MYO1F: variants seen among roughly 807,000 people sequenced by gnomAD.
The protein encoded by MYO1F is unconventional myosin-If.
In MYO1F, 60 loss-of-function variants were observed where a neutral mutation model predicts 146.6. The observed-to-expected ratio is 0.41, with a 90% confidence interval of 0.33 to 0.51. The LOEUF is 0.51. MYO1F is among the 20% of genes least tolerant of loss of function. MYO1F has a pLI of 0.25. For synonymous variants in MYO1F, 602 were observed against 602.1 expected (o/e 1.00, Z 0.00); for missense variants, 1,274 against 1,534.3 (o/e 0.83, Z 2.83).
intron 21 of MYO1F, chr19:8,529,770 T>A: frequency 3.0e-6 from 1 of 334,544 alleles, no homozygotes; most frequent in Non-Finnish European, 5.8e-6. Flanking sequence ...AGTGCATGTT[T>A]GATGGACAGC....
intron 1 of MYO1F, among the ~76,000 whole-genome samples, chr19:8,564,431 C>T (rs2041963364): frequency 6.6e-6 from 1 of 151,952 alleles, no homozygotes; most frequent in South Asian, 2.1e-4. Flanking sequence ...ACTGAGAGTC[C>T]CTGGGGTGCG....
chr19:8,561,812 G>C (rs756161653), intron 1 of MYO1F, among the ~76,000 whole-genome samples: 2 of 151,380 alleles, frequency 1.3e-5, no homozygotes, highest in Non-Finnish European at 2.9e-5. Flanking sequence ...TACCTCCCAG[G>C]TTCAAACGAT....
chr19:8,543,708 CTGGTGGTGG>C (rs1568348543), intron 14 of MYO1F, among the ~76,000 whole-genome samples: 20 of 20,966 alleles, frequency 9.5e-4, no homozygotes, highest in Non-Finnish European at 1.2e-3. Context: ...GGTGGTGGTG[CTGGTGGTGG>C]TGGTGGTGCT....
At position 8,522,684 on chromosome 19, in the gene MYO1F, G is replaced by C; in HGVS notation, c.3000C>G (p.Pro1000=). The stretch of plus-strand genomic sequence containing the variant: ...TGAGGAATTCTGTGTTGTGCTCTGA[G>C]GGCGGACGTGCCCGGGGTCGTCTGC... ...GASRRPRARP[P]SEHNTEFLNV... is the part of the protein sequence containing the mutation. The change falls in exon 26 of 28, where the codon CCC becomes CCG. Residue 1000 remains proline, a synonymous_variant. Transcript: ENST00000644032. 1 of 1,613,990 alleles carries C rather than the reference G, an allele frequency of 6.2e-7. No homozygotes were observed. The highest frequency in any genetic ancestry group is 8.5e-7 in the Non-Finnish European group (1 of 1,179,978).
In MYO1F at chr19:8,573,299, A is replaced by T. The variant is rs562315096; in HGVS notation, c.3+4008T>A. Among the ~76,000 whole-genome samples, 20 of 152,116 alleles carry T rather than the reference A, an allele frequency of 1.3e-4. No homozygotes were observed. The South Asian group carries it at 4.2e-3, about 32-fold the overall frequency. On this transcript the variant is annotated intron_variant, in intron 1 of 27. Transcript: ENST00000644032. The stretch of plus-strand genomic sequence containing the variant: ...GCACTCCATCCTGGGTGACAGAGCG[A>T]GACTCTGTCTCAAAAAAAAAAGAAG...
At chr19:8,524,048 G>T (rs1195596788) in intron 25 of MYO1F, among the ~76,000 whole-genome samples, 1 of 147,102 alleles carries the variant, frequency 6.8e-6, no homozygotes, top group Admixed American at 7.1e-5. Flanking sequence ...CAACCTGGGA[G>T]GTGGAGGTTA....
Position 8,555,685 on chromosome 19 carries a change from T to C in MYO1F, c.115A>G (p.Lys39Glu), listed in dbSNP as rs1175136559. Reference sequence around the variant, plus strand: ...AAGATGTAGTCGTCCATGAAGCGCTTCCGGAGGTTGGCGGCAATGGCGTCT... The same window carrying C: ...AAGATGTAGTCGTCCATGAAGCGCTCCCGGAGGTTGGCGGCAATGGCGTCT... ...TEDAIAANLR[K>E]RFMDDYIFTY... Residue 39 changes from lysine to glutamate, a missense_variant, in exon 2 of 28, where the codon AAG (lysine) becomes GAG (glutamate). Around this residue, in one of 2 missense-constraint regions of MYO1F, gnomAD observed 900 missense variants for 1,155.1 expected, o/e 0.78. Coordinates refer to ENST00000644032, the MANE Select transcript of MYO1F (RefSeq NM_012335.4). The C allele has an allele frequency of 1.2e-6, 2 of 1,614,016 alleles. No homozygotes were observed. Among genetic ancestry groups the C allele is most frequent in the African/African-American group, 1.3e-5 (1 of 74,924 alleles).
At chr19:8,544,041 C>CTGG (rs1192452702) in intron 14 of MYO1F, 47 of 212,526 alleles carry the variant, frequency 2.2e-4, no homozygotes, top group East Asian at 9.9e-4. Context: ...GGTGGCGGTG[C>CTGG]TGGTGGTGGT....
rs201988076 is a variant in MYO1F at position 8,530,433 on chromosome 19, C to T, written c.2158+26G>A. On this transcript the variant is annotated intron_variant, in intron 20 of 27. Coordinates refer to ENST00000644032, the MANE Select transcript of MYO1F (RefSeq NM_012335.4). The surrounding 1 kb of genome is among the most constrained non-coding windows in gnomAD (Gnocchi z 5.8). ...CCTCCAGGTCCTTGTGCCCCCACCC[C>T]GCGCCGTTTACCCGAAGCCTCTCAC... The T allele has an allele frequency of 3.3e-5, 53 of 1,613,640 alleles. No homozygotes were observed. The Middle Eastern group carries it at 5.0e-4, about 15-fold the overall frequency.
At chr19:8,531,001 G>A (rs995555792) in intron 19 of MYO1F, among the ~76,000 whole-genome samples, 3 of 152,044 alleles carry the variant, frequency 2.0e-5, no homozygotes, top group East Asian at 3.9e-4. Flanking sequence ...CTGAGATCGC[G>A]CCATTGCACT....
At chr19:8,549,768 G>T in intron 10 of MYO1F, 1 of 271,764 alleles carries the variant, frequency 3.7e-6, no homozygotes, top group Non-Finnish European at 7.2e-6. Context: ...GCCTCCCAAA[G>T]TGCTGGGATT....
At position 8,550,687 on chromosome 19, in the gene MYO1F, A is replaced by G; in HGVS notation, c.779T>C (p.Met260Thr). ...GCTGGGCGGGATCCCAATAACCTGC[A>G]TAGCACTCTGTGGTACAACGGGGGC... is the stretch of plus-strand genomic sequence containing the variant. The part of the protein sequence containing the change: ...RSDFGETLSA[M>T]QVIGIPPSIQ... The change falls in exon 9 of 28, where the codon ATG (methionine) becomes ACG (threonine). Residue 260 changes from methionine to threonine, a missense_variant. Physicochemically the swap from Met to Thr is moderately conservative, Grantham distance 81 (BLOSUM62 -1). Coordinates refer to ENST00000644032, the MANE Select transcript of MYO1F (RefSeq NM_012335.4). The G allele has an allele frequency of 6.2e-7, 1 of 1,614,130 alleles. No individual in the cohort carries two copies. Among genetic ancestry groups the G allele is most frequent in the Non-Finnish European group, 8.5e-7 (1 of 1,180,022 alleles).
chr19:8,527,745 T>C (rs902032810), intron 21 of MYO1F, among the ~76,000 whole-genome samples: 11 of 152,194 alleles, frequency 7.2e-5, no homozygotes, highest in Non-Finnish European at 1.3e-4. Context: ...CCTGAGTAGC[T>C]GGGACCACAG....
Position 8,577,271 on chromosome 19 carries a change from C to T in MYO1F, c.3+36G>A, listed in dbSNP as rs1476572877. 11 of 1,612,726 alleles carry T rather than the reference C, an allele frequency of 6.8e-6. No homozygotes were observed. The East Asian group carries it at 1.1e-4, about 16-fold the overall frequency. ...CCTCCACCTGGCTGGTGTCCCTCCT[C>T]TTTCTTCTTCCAGATCCCACCCTTG... is the stretch of plus-strand genomic sequence containing the variant. On this transcript the variant is annotated intron_variant, in intron 1 of 27. Transcript: ENST00000644032. This position sits in a 1 kb window ranked among gnomAD's most constrained non-coding sequence, Gnocchi z 4.3.
rs185264493 is a variant in MYO1F at position 8,530,712 on chromosome 19, G to A, written c.2044-139C>T. On this transcript the variant is annotated intron_variant, in intron 19 of 27. Coordinates refer to ENST00000644032, the MANE Select transcript of MYO1F (RefSeq NM_012335.4). This position sits in a 1 kb window ranked among gnomAD's most constrained non-coding sequence, Gnocchi z 5.8. ...ACATGTGCTAATTTTTTTAAGAGGC[G>A]GGGTCTTTCTAGTGACACTCGTTCA... 11 of 705,922 alleles carry A rather than the reference G, an allele frequency of 1.6e-5. No homozygotes were observed. The highest frequency in any genetic ancestry group is 8.1e-5 in the East Asian group (3 of 37,056). The allele number at this position is 705,922 out of a possible 1,614,324, so 43.7% of individuals were successfully genotyped here. A position where few individuals can be genotyped will look rare whatever the true frequency, so the allele number is the denominator to read the frequency against.
At chr19:8,563,987 C>A (rs2041954693) in intron 1 of MYO1F, among the ~76,000 whole-genome samples, 1 of 152,202 alleles carries the variant, frequency 6.6e-6, no homozygotes, top group African/African-American at 2.4e-5. Context: ...TCATTACAGG[C>A]AATCACATTG....
rs1972111937 is a variant in MYO1F at position 8,522,715 on chromosome 19, C to CCCA, written c.2966_2968dup (p.Leu989_Gly990insVal). The CCCA allele has an allele frequency of 1.2e-6, 2 of 1,613,798 alleles. No individual in the cohort carries two copies. Among genetic ancestry groups the CCCA allele is most frequent in the Non-Finnish European group, 1.7e-6 (2 of 1,179,986 alleles). The stretch of plus-strand genomic sequence containing the variant: ...ACGTGCCCGGGGTCGTCTGCTGGCT[C>CCCA]CCAGGGATGTGGACGGAGGGCCCCG... On this transcript the variant is annotated inframe_insertion, in exon 26 of 28. Coordinates refer to ENST00000644032, the MANE Select transcript of MYO1F (RefSeq NM_012335.4).
At chr19:8,525,883 C>A (rs1280210105) in intron 24 of MYO1F, among the ~76,000 whole-genome samples, 1 of 152,208 alleles carries the variant, frequency 6.6e-6, no homozygotes, top group Non-Finnish European at 1.5e-5. Context: ...CCTTAACAGT[C>A]TTTCTCTCTC....
chr19:8,521,883 G>A (rs1972071869), intron 27 of MYO1F, among the ~76,000 whole-genome samples: 1 of 151,926 alleles, frequency 6.6e-6, no homozygotes, highest in African/African-American at 2.4e-5. Flanking sequence ...TCAAACTCCT[G>A]ACCTCAAGTG....
Sources: allele counts gnomAD v4.1 joint callset (sites outside exome capture counted in the v4.1 genomes callset), GRCh38; gene constraint gnomAD v4.1.1; regional missense constraint gnomAD v4.1.1; non-coding constraint Gnocchi (gnomAD v3.1); transcripts MANE v1.5; gene names NCBI Gene and HGNC (gene_info 2026-07-23, HGNC 2026-07-21).